The following PCDHA5 variants were observed in gnomAD, a reference collection of about 807,000 sequenced individuals.
The protein encoded by PCDHA5 is protocadherin alpha 5.
A neutral mutation model predicts 61.6 loss-of-function variants in PCDHA5; 43 were observed. The ratio of observed to expected loss-of-function variants is 0.70; its 90% confidence interval spans 0.55 to 0.90. The LOEUF is 0.90. Ranked by LOEUF, PCDHA5 falls within the 40% of genes least tolerant of loss-of-function variation. The pLI is 0.00. For missense variants in PCDHA5, 1,298 were observed against 1,222.7 expected (o/e 1.06, Z -0.92); for synonymous variants, 627 against 543.9 (o/e 1.15, Z -2.13).
In PCDHA5 at chr5:141,010,480, A is replaced by C; in HGVS notation, c.*543A>C. The C allele has an allele frequency of 1.4e-6, 1 of 696,098 alleles. No individual in the cohort carries two copies. Among genetic ancestry groups the C allele is most frequent in the Non-Finnish European group, 2.2e-6 (1 of 452,208 alleles). 43.1% of individuals were successfully genotyped at this position (696,098 alleles called of 1,614,324 possible). A position where few individuals can be genotyped will look rare whatever the true frequency, so the allele number is the denominator to read the frequency against. On this transcript the variant is annotated 3_prime_UTR_variant, in exon 4 of 4. Transcript: ENST00000529859. ...TTATCAGTATGGAGGGGAAGTGTAA[A>C]CTTAAAGGGACCAGACTTTCTAAAT...
chr5:140,862,575 G>T (rs1272278191), intron 1 of PCDHA5: 3 of 486,640 alleles, frequency 6.2e-6, no homozygotes, highest in Non-Finnish European at 1.3e-5. Context: ...ATGCCCTGGC[G>T]TTCCAGCAGC....
chr5:141,004,094 G>C (rs962663466), intron 3 of PCDHA5, among the ~76,000 whole-genome samples: 1 of 152,194 alleles, frequency 6.6e-6, no homozygotes, highest in African/African-American at 2.4e-5. Flanking sequence ...TGCTTCTTCC[G>C]TTTTCATCTT....
chr5:140,988,214 A>AG (rs1408259452), intron 3 of PCDHA5, among the ~76,000 whole-genome samples: 28 of 152,200 alleles, frequency 1.8e-4, no homozygotes, highest in Non-Finnish European at 4.4e-5. Flanking sequence ...AGGAAAAAAA[A>AG]ATGAGATCAG....
chr5:140,853,422 G>A, intron 1 of PCDHA5: 8 of 986,108 alleles, frequency 8.1e-6, no homozygotes, highest in Non-Finnish European at 9.8e-6. Flanking sequence ...GAAAGCAGAA[G>A]AGACACTTTC....
At chr5:140,987,452 A>C (rs1430622755) in intron 3 of PCDHA5, among the ~76,000 whole-genome samples, 2 of 152,076 alleles carry the variant, frequency 1.3e-5, no homozygotes, top group Non-Finnish European at 2.9e-5. Context: ...CCCGAGAGAT[A>C]ATTGTTAAGA....
At chr5:140,834,245 T>C in intron 1 of PCDHA5, 2 of 872,198 alleles carry the variant, frequency 2.3e-6, no homozygotes, top group Non-Finnish European at 3.5e-6. Flanking sequence ...CTTTTCGCAC[T>C]GGAAAGACGC....
intron 1 of PCDHA5, among the ~76,000 whole-genome samples, chr5:140,958,627 T>C (rs1183042351): frequency 6.6e-6 from 1 of 152,128 alleles, no homozygotes; most frequent in African/African-American, 2.4e-5. Flanking sequence ...AGCTTGAGAG[T>C]ACTGCAGAAA....
chr5:140,869,330 A>G (rs1554162906), intron 1 of PCDHA5: 25 of 1,613,778 alleles, frequency 1.5e-5, no homozygotes, highest in Non-Finnish European at 2.0e-5. Context: ...GACCTTCTGG[A>G]GGTAAATCTG....
intron 1 of PCDHA5, chr5:140,850,632 C>T (rs2150491641): frequency 6.3e-7 from 1 of 1,598,646 alleles, no homozygotes. Flanking sequence ...CCTGTTGGTT[C>T]TCACGCTGCT....
chr5:140,843,840 A>G, intron 1 of PCDHA5: 2 of 1,049,820 alleles, frequency 1.9e-6, no homozygotes, highest in South Asian at 1.6e-5. Flanking sequence ...TTTAGTTTTT[A>G]GAAACCTTTT....
intron 1 of PCDHA5, among the ~76,000 whole-genome samples, chr5:140,845,922 T>A (rs782092112): frequency 6.7e-6 from 1 of 149,778 alleles, no homozygotes; most frequent in Non-Finnish European, 1.5e-5. Flanking sequence ...CTTATTTTTG[T>A]GTAAAACTAT....
chr5:140,926,181 C>T (rs1298109352), intron 1 of PCDHA5, among the ~76,000 whole-genome samples: 7 of 151,718 alleles, frequency 4.6e-5, no homozygotes, highest in Admixed American at 2.6e-4. Context: ...GCGGAAAGCC[C>T]CCCGCAGCAC....
chr5:140,991,837 C>T (rs1379982421), intron 3 of PCDHA5, among the ~76,000 whole-genome samples: 3 of 152,158 alleles, frequency 2.0e-5, no homozygotes, highest in African/African-American at 7.2e-5. Context: ...ACGGCAGAAC[C>T]GCACTTCCAG....
intron 3 of PCDHA5, among the ~76,000 whole-genome samples, chr5:140,990,421 G>A (rs374181612): frequency 2.6e-5 from 4 of 152,190 alleles, no homozygotes; most frequent in Non-Finnish European, 5.9e-5. Flanking sequence ...CTTTCAACCA[G>A]CATTGACCCA....
At chr5:140,860,453 G>A (rs1444199849) in intron 1 of PCDHA5, 5 of 152,018 alleles carry the variant, frequency 3.3e-5, no homozygotes, top group African/African-American at 1.2e-4. Flanking sequence ...ATTAATTCAC[G>A]TGATAATACA....
chr5:140,851,353 G>A, intron 1 of PCDHA5: 1 of 976,274 alleles, frequency 1.0e-6, no homozygotes, highest in Non-Finnish European at 1.2e-6. Context: ...TCTGGATGGA[G>A]ACTGTGAACA....
intron 1 of PCDHA5, chr5:140,848,980 T>C (rs1554142681): frequency 1.9e-6 from 3 of 1,599,772 alleles, no homozygotes; most frequent in Non-Finnish European, 1.7e-6. Flanking sequence ...GATGCAGATA[T>C]CGGGGAGAAC....
At chr5:140,968,310 G>T (rs2096237719) in intron 1 of PCDHA5, 4 of 1,613,920 alleles carry the variant, frequency 2.5e-6, no homozygotes, top group Non-Finnish European at 3.4e-6. Flanking sequence ...GAGATTCAAG[G>T]GCTGCCAGTC....
chr5:140,926,953 C>T, intron 1 of PCDHA5: 1 of 1,596,706 alleles, frequency 6.3e-7, no homozygotes, highest in Non-Finnish European at 8.6e-7. Flanking sequence ...TGCAGCGGGA[C>T]AGCTCGAGTA....
Sources: allele counts gnomAD v4.1 joint callset (sites outside exome capture counted in the v4.1 genomes callset), GRCh38; gene constraint gnomAD v4.1.1; transcripts MANE v1.5; gene names NCBI Gene and HGNC (gene_info 2026-07-23, HGNC 2026-07-21).